The following MAGEA11 variants were observed in gnomAD, a reference collection of about 807,000 sequenced individuals.
MAGEA11 encodes melanoma-associated antigen 11.
A neutral mutation model predicts 8.4 loss-of-function variants in MAGEA11; 1 was observed. That is an observed-to-expected ratio of 0.12 (90% CI 0.04 to 0.57). The LOEUF is 0.57. Ranked by LOEUF, MAGEA11 falls within the 20% of genes least tolerant of loss-of-function variation. The probability of loss-of-function intolerance (pLI) is 0.91; values close to 1 mark genes in which losing one functional copy is unlikely to be tolerated. For synonymous variants in MAGEA11, 127 were observed against 119.3 expected (o/e 1.06, Z -0.42); for missense variants, 209 against 317.3 (o/e 0.66, Z 2.59).
At chrX:149,699,417 A>G (rs2090342722) in intron 1 of MAGEA11, among the ~76,000 whole-genome samples, 1 of 111,821 alleles carries the variant, frequency 8.9e-6, no homozygotes, top group Non-Finnish European at 1.9e-5. Flanking sequence ...TCTTGACTAA[A>G]ACTGCATTGC....
rs2090410720 is a variant in MAGEA11, at chrX:149,713,192, G to A, written c.33G>A (p.Gly11=). Residue 11 remains glycine (G), a synonymous_variant, in exon 2 of 5, where the codon GGG becomes GGA. Transcript: ENST00000355220. The part of the protein sequence containing the change: METQFRRGGL[G]CSPASIKRKK... ...CTCAGTTCCGCAGAGGGGGTCTGGG[G>A]TGCAGCCCTGCCAGCATCAAGAGGA... 1.7e-6 allele frequency: 2 copies of A among 1,207,921 alleles called. No homozygotes were observed. The highest frequency in any genetic ancestry group is 3.0e-5 in the East Asian group (1 of 33,561).
Position 149,713,102 on chromosome X carries a change from C to T in MAGEA11, c.-17-41C>T. The stretch of plus-strand genomic sequence containing the variant: ...CCAGCACCCCAGAACAGCCCCCCCC[C>T]ATAGTCCCGCCGTCTCAAACTGAGG... On this transcript the variant is annotated intron_variant, in intron 1 of 4. Transcript: ENST00000355220. The T allele has an allele frequency of 2.2e-6, 2 of 921,772 alleles. 1 individual carries two copies. The highest frequency in any genetic ancestry group is 3.1e-6 in the Non-Finnish European group (2 of 640,214). The allele number at this position is 921,772 out of a possible 1,213,427, so 76.0% of individuals were successfully genotyped here.
upstream of MAGEA11, chrX:149,712,013 C>A: frequency 1.3e-6 from 1 of 750,830 alleles, no homozygotes; most frequent in Non-Finnish European, 1.6e-6. Flanking sequence ...TTCGCTCCTG[C>A]TGTAAATCCA....
intron 1 of MAGEA11, among the ~76,000 whole-genome samples, chrX:149,701,667 C>A (rs1189181861): frequency 5.5e-5 from 6 of 110,065 alleles, no homozygotes; most frequent in Non-Finnish European, 9.5e-5. Context: ...ATGGTAATGC[C>A]TAGGTTTTCT....
chrX:149,692,314 T>C (rs1162872271), intron 1 of MAGEA11, among the ~76,000 whole-genome samples: 2 of 110,096 alleles, frequency 1.8e-5, no homozygotes, highest in Non-Finnish European at 3.8e-5. Flanking sequence ...GGCTAAGGCA[T>C]GAGAATCACA....
intron 1 of MAGEA11, among the ~76,000 whole-genome samples, chrX:149,691,652 G>T (rs1557360144): frequency 9.0e-6 from 1 of 111,714 alleles, no homozygotes; most frequent in African/African-American, 3.3e-5. Flanking sequence ...TTTTCACTCT[G>T]AATAGAGGAA....
intron 1 of MAGEA11, among the ~76,000 whole-genome samples, chrX:149,712,494 C>T (rs782250836): frequency 7.2e-5 from 8 of 111,816 alleles, no homozygotes; most frequent in African/African-American, 2.6e-4. Context: ...CTTGGTACTG[C>T]GGAGTTGCAC....
chrX:149,713,046 T>G (rs2124303574), intron 1 of MAGEA11, 97 bp from the exon 2 acceptor site: 1 of 516,245 alleles, frequency 1.9e-6, no homozygotes, highest in East Asian at 3.8e-5. Context: ...TGCTGGGAGG[T>G]GAGCAAGGCC....
intron 1 of MAGEA11, among the ~76,000 whole-genome samples, chrX:149,704,213 T>G (rs2090366256): frequency 8.9e-6 from 1 of 111,982 alleles, no homozygotes; most frequent in East Asian, 2.8e-4. Context: ...ACAAATGCTG[T>G]GGAGGAGAGG....
intron 1 of MAGEA11, among the ~76,000 whole-genome samples, chrX:149,705,404 T>C (rs1557361384): frequency 3.6e-5 from 4 of 112,236 alleles, no homozygotes; most frequent in Admixed American, 9.4e-5. Context: ...CCACGTAAGA[T>C]GTGACTTGCT....
At position 149,714,594 on chromosome X, in the gene MAGEA11, G is replaced by A; in HGVS notation, c.192+18G>A. 4.1e-6 allele frequency: 5 copies of A among 1,205,466 alleles called. No individual in the cohort carries two copies. Among genetic ancestry groups the A allele is most frequent in the Non-Finnish European group, 5.6e-6 (5 of 892,148 alleles). On this transcript the variant is annotated intron_variant, in intron 3 of 4. Coordinates refer to ENST00000355220, the MANE Select transcript of MAGEA11 (RefSeq NM_005366.5). ...GAGTCCAGGTGAGAAACCTGAGGGAGGATTGAGGGTTCCTCCTGGCCAGAA... is the reference window on the plus strand; with the variant it reads ...GAGTCCAGGTGAGAAACCTGAGGGAAGATTGAGGGTTCCTCCTGGCCAGAA...
At chrX:149,692,772 AC>A (rs2090315699) in intron 1 of MAGEA11, among the ~76,000 whole-genome samples, 2 of 111,568 alleles carry the variant, frequency 1.8e-5, no homozygotes, top group East Asian at 2.8e-4. Context: ...TGTGGGAGGG[AC>A]CCGGTGGGAG....
Position 149,716,168 on chromosome X carries a change from G to T in MAGEA11, c.682G>T (p.Asp228Tyr). 2 of 1,211,991 alleles carry T rather than the reference G, an allele frequency of 1.7e-6. No homozygotes were observed. Among genetic ancestry groups the T allele is most frequent in the East Asian group, 5.9e-5 (2 of 33,853 alleles). ...AGATATACTACATGACAAGATAATTGATTTGGTTCATTTATTGCTCCGCAA... is the reference window on the plus strand; with the variant it reads ...AGATATACTACATGACAAGATAATTTATTTGGTTCATTTATTGCTCCGCAA... ...SQDILHDKII[D>Y]LVHLLLRKYR... Residue 228 changes from aspartate to tyrosine, a missense_variant, in exon 5 of 5, where the codon GAT becomes TAT. By Grantham distance (160) the Asp-to-Tyr change is radical. Coordinates refer to ENST00000355220, the MANE Select transcript of MAGEA11 (RefSeq NM_005366.5).
At chrX:149,705,060 C>A (rs1296555621) in intron 1 of MAGEA11, among the ~76,000 whole-genome samples, 1 of 112,506 alleles carries the variant, frequency 8.9e-6, no homozygotes, top group East Asian at 2.8e-4. Context: ...CCACTAGCCC[C>A]CGCTATCCCT....
At chrX:149,705,609 G>C (rs1013113889) in intron 1 of MAGEA11, among the ~76,000 whole-genome samples, 1 of 112,474 alleles carries the variant, frequency 8.9e-6, no homozygotes, top group Admixed American at 9.4e-5. Context: ...TAAGTGCAGG[G>C]TTTCAGTCAT....
intron 2 of MAGEA11, chrX:149,713,508 T>G: frequency 3.3e-6 from 1 of 300,734 alleles, no homozygotes; most frequent in Non-Finnish European, 5.7e-6. Context: ...CCCCACTTCC[T>G]AGTTGGGGTT....
chrX:149,703,228 A>G (rs1236571064), intron 1 of MAGEA11, among the ~76,000 whole-genome samples: 1 of 112,697 alleles, frequency 8.9e-6, no homozygotes, highest in African/African-American at 3.2e-5. Context: ...AAAATTGACA[A>G]CATGTTAGGC....
At chrX:149,697,207 C>T (rs1428375728) in intron 1 of MAGEA11, among the ~76,000 whole-genome samples, 1 of 110,785 alleles carries the variant, frequency 9.0e-6, no homozygotes, top group East Asian at 2.8e-4. Context: ...ATTCAACACC[C>T]TCCTGAGGAC....
chrX:149,704,885 C>T (rs781831780), intron 1 of MAGEA11, among the ~76,000 whole-genome samples: 21 of 112,848 alleles, frequency 1.9e-4, no homozygotes, highest in South Asian at 1.1e-3. Flanking sequence ...GCAAGTAGGA[C>T]GGAGCGCAGT....
Sources: gnomAD v4.1 joint callset for allele counts (sites outside exome capture counted in the v4.1 genomes callset) on GRCh38, gnomAD v4.1.1 for gene constraint, MANE v1.5 for transcripts, NCBI Gene and HGNC (gene_info 2026-07-23, HGNC 2026-07-21) for gene names.